Variants in SAMSN1 observed in about 807,000 individuals in gnomAD.
SAMSN1 encodes the protein SAM domain-containing protein SAMSN-1.
Under a neutral mutation model 42.0 loss-of-function variants are expected in SAMSN1, and 31 were observed. The observed-to-expected ratio is 0.74, with a 90% CI of 0.55 to 1.00. The LOEUF (loss-of-function observed/expected upper bound fraction) is 1.00. SAMSN1 is among the 50% of genes least tolerant of loss of function. SAMSN1 has a pLI of 0.00. For synonymous variants in SAMSN1, 178 were observed against 151.9 expected (o/e 1.17, Z -1.26); for missense variants, 464 against 439.4 (o/e 1.06, Z -0.50).
At chr21:14,496,710 C>A (rs2123673854) in intron 7 of SAMSN1, among the ~76,000 whole-genome samples, 1 of 152,278 alleles carries the variant, frequency 6.6e-6, no homozygotes, top group South Asian at 2.1e-4. Flanking sequence ...TGAACTTTGT[C>A]TGCCTCTGTG....
chr21:14,650,636 A>T (rs1983817797), intron 1 of SAMSN1, among the ~76,000 whole-genome samples: 1 of 152,166 alleles, frequency 6.6e-6, no homozygotes, highest in African/African-American at 2.4e-5. Flanking sequence ...TAGAAAAGTA[A>T]GAGCAAACCA....
chr21:14,559,173 C>A (rs1417149480), intron 2 of SAMSN1, among the ~76,000 whole-genome samples: 2 of 152,096 alleles, frequency 1.3e-5, no homozygotes, highest in Non-Finnish European at 2.9e-5. Flanking sequence ...ACTTTCTTTA[C>A]AAGATAATAA....
At position 14,645,768 on chromosome 21, in the gene SAMSN1, G is replaced by A. The variant is rs551418794; in HGVS notation, c.25-2635C>T. Among the ~76,000 whole-genome samples, 5 of 152,134 alleles carry A rather than the reference G, an allele frequency of 3.3e-5. No individual in the cohort carries two copies. In the South Asian group the frequency reaches 1.0e-3, roughly 32 times the overall value. On this transcript the variant is annotated intron_variant, in intron 1 of 15. Coordinates refer to the SAMSN1 transcript ENST00000647101. ...ACTCAAAAGAAATTCAAAATAACAC[G>A]GATAAGGAATTCAGAATTCTATCCA...
intron 6 of SAMSN1, among the ~76,000 whole-genome samples, chr21:14,597,373 A>C (rs2123289395): frequency 6.6e-6 from 1 of 152,304 alleles, no homozygotes; most frequent in South Asian, 2.1e-4. Context: ...AATTCTGTAC[A>C]TAGCCAATGG....
intron 1 of SAMSN1, among the ~76,000 whole-genome samples, chr21:14,521,525 G>A (rs1978480580): frequency 6.6e-6 from 1 of 152,086 alleles, no homozygotes. Flanking sequence ...GGCAGCTGAA[G>A]AATCCTTGAA....
chr21:14,535,567 T>C (rs2123114012), intron 1 of SAMSN1, among the ~76,000 whole-genome samples: 1 of 152,314 alleles, frequency 6.6e-6, no homozygotes, highest in African/African-American at 2.4e-5. Flanking sequence ...CCTAACACCT[T>C]GTACCTCAGA....
intron 7 of SAMSN1, among the ~76,000 whole-genome samples, chr21:14,491,992 A>ATT (rs56828226): frequency 9.2e-5 from 14 of 152,008 alleles, no homozygotes; most frequent in South Asian, 2.1e-4. Context: ...ACGCTATATC[A>ATT]TTTTTTTAAC....
At chr21:14,488,712 GCA>G (rs1172928868) in intron 7 of SAMSN1, among the ~76,000 whole-genome samples, 4 of 152,086 alleles carry the variant, frequency 2.6e-5, no homozygotes, top group Non-Finnish European at 5.9e-5. Context: ...CCTTTCATCT[GCA>G]ATTTTTATGG....
intron 1 of SAMSN1, among the ~76,000 whole-genome samples, chr21:14,649,940 C>A (rs1375368660): frequency 6.6e-6 from 1 of 151,816 alleles, no homozygotes; most frequent in African/African-American, 2.4e-5. Context: ...TAAGAAGAGA[C>A]AAAGAAGGTC....
intron 2 of SAMSN1, among the ~76,000 whole-genome samples, chr21:14,572,221 G>T (rs1467034512): frequency 6.6e-6 from 1 of 152,112 alleles, no homozygotes; most frequent in Non-Finnish European, 1.5e-5. Context: ...TTCCAATTAG[G>T]TGTCAGGTAC....
chr21:14,497,083 A>C (rs1986941302), intron 7 of SAMSN1, among the ~76,000 whole-genome samples: 1 of 152,130 alleles, frequency 6.6e-6, no homozygotes, highest in Admixed American at 6.5e-5. Flanking sequence ...AGTATAACAC[A>C]GCAGCACATA....
chr21:14,579,318 C>G (rs751490957), intron 2 of SAMSN1, among the ~76,000 whole-genome samples: 1 of 152,198 alleles, frequency 6.6e-6, no homozygotes, highest in Non-Finnish European at 1.5e-5. Context: ...GCAGATAAAA[C>G]TCACTTAATC....
At chr21:14,520,611 C>A (rs1402770569) in intron 2 of SAMSN1, among the ~76,000 whole-genome samples, 2 of 152,100 alleles carry the variant, frequency 1.3e-5, no homozygotes, top group Non-Finnish European at 2.9e-5. Context: ...GCCAACGGTC[C>A]CTTGCGAAAC....
At chr21:14,636,156 G>A (rs1018436611) in intron 2 of SAMSN1, among the ~76,000 whole-genome samples, 3 of 152,128 alleles carry the variant, frequency 2.0e-5, no homozygotes, top group Non-Finnish European at 2.9e-5. Flanking sequence ...CAAAGACACC[G>A]TTCCCAGTCT....
At chr21:14,603,169 G>A (rs924554052) in intron 5 of SAMSN1, among the ~76,000 whole-genome samples, 5 of 151,308 alleles carry the variant, frequency 3.3e-5, no homozygotes, top group African/African-American at 1.2e-4. Flanking sequence ...TTCTGAACTG[G>A]GAAAAAAAAA....
chr21:14,582,536 A>G (rs1252703637), intron 1 of SAMSN1: 1 of 682,220 alleles, frequency 1.5e-6, no homozygotes, highest in Non-Finnish European at 2.5e-6. Context: ...AATTCTTCAC[A>G]TATAGGAATT....
At chr21:14,601,772 T>C (rs1982437908) in intron 6 of SAMSN1, among the ~76,000 whole-genome samples, 1 of 152,218 alleles carries the variant, frequency 6.6e-6, no homozygotes, top group South Asian at 2.1e-4. Context: ...CCAGAGTTAC[T>C]TATCAAAAGG....
At chr21:14,591,141 A>G (rs1327554730) in intron 7 of SAMSN1, among the ~76,000 whole-genome samples, 3 of 152,206 alleles carry the variant, frequency 2.0e-5, no homozygotes, top group African/African-American at 4.8e-5. Context: ...ATATCATTAT[A>G]ATTTTAAAAA....
intron 2 of SAMSN1, among the ~76,000 whole-genome samples, chr21:14,616,677 T>A (rs1982845049): frequency 1.3e-5 from 2 of 152,134 alleles, no homozygotes; most frequent in Admixed American, 6.6e-5. Context: ...CACCTACTCC[T>A]CCATTTAAAA....
Sources: gnomAD v4.1 joint callset for allele counts (sites outside exome capture counted in the v4.1 genomes callset) on GRCh38, gnomAD v4.1.1 for gene constraint, MANE v1.5 for transcripts, NCBI Gene and HGNC (gene_info 2026-07-23, HGNC 2026-07-21) for gene names.